LRP1B: variants seen among roughly 807,000 people sequenced by gnomAD.
The protein encoded by LRP1B is low-density lipoprotein receptor-related protein 1B.
Under a neutral mutation model 556.6 loss-of-function variants are expected in LRP1B, and 217 were observed. The ratio of observed to expected loss-of-function variants is 0.39; its 90% confidence interval spans 0.35 to 0.44. The LOEUF is 0.44. LRP1B is among the 20% of genes least tolerant of loss of function. LRP1B has a pLI of 1.00. For synonymous variants in LRP1B, 2,047 were observed against 1,865.8 expected, an observed-to-expected ratio of 1.10 and a Z score of -2.50; for missense variants, 5,053 against 5,620.8, an observed-to-expected ratio of 0.90 and a Z score of 3.23.
intron 2 of LRP1B, among the ~76,000 whole-genome samples, chr2:141,562,945 G>T (rs1686214749): frequency 6.6e-6 from 1 of 151,980 alleles, no homozygotes; most frequent in African/African-American, 2.4e-5. Flanking sequence ...GACCAATTAA[G>T]AAACTATGAT....
rs140486750 is a variant in LRP1B, at chr2:141,193,149, T to G, written c.851-4566A>C. ...ATTGTCGATGGGATCGTAAATTAGT[T>G]CAACCATTGTAGAAAGCAGTATGGC... On this transcript the variant is annotated intron_variant, in intron 6 of 90. Coordinates refer to ENST00000389484, the MANE Select transcript of LRP1B (RefSeq NM_018557.3). Among the ~76,000 whole-genome samples the G allele has an allele frequency of 4.0e-3, 610 of 152,100 alleles. 3 individuals carry two copies. The highest frequency in any genetic ancestry group is 0.01 in the Middle Eastern group (3 of 294).
intron 1 of LRP1B, among the ~76,000 whole-genome samples, chr2:141,860,466 A>G (rs529015329): frequency 6.6e-6 from 1 of 152,278 alleles, no homozygotes; most frequent in African/African-American, 2.4e-5. Context: ...GGCAAGGAAA[A>G]GCAATTTACC....
intron 35 of LRP1B, among the ~76,000 whole-genome samples, chr2:140,758,191 A>G (rs1441957909): frequency 6.6e-6 from 1 of 152,134 alleles, no homozygotes; most frequent in Non-Finnish European, 1.5e-5. Flanking sequence ...AAGGTTAAAA[A>G]TTTTATGCTA....
At chr2:140,932,992 A>C (rs1695100037) in intron 20 of LRP1B, among the ~76,000 whole-genome samples, 1 of 141,740 alleles carries the variant, frequency 7.1e-6, no homozygotes. Flanking sequence ...CTGATGCCAG[A>C]ATGTTCCAGA....
intron 17 of LRP1B, among the ~76,000 whole-genome samples, chr2:140,988,066 T>A (rs1696979650): frequency 6.6e-6 from 1 of 152,142 alleles, no homozygotes; most frequent in South Asian, 2.1e-4. Context: ...TGAGCTAAGT[T>A]GAACTGACCA....
intron 7 of LRP1B, among the ~76,000 whole-genome samples, chr2:141,185,329 C>A (rs925285138): frequency 1.3e-5 from 2 of 151,914 alleles, no homozygotes; most frequent in African/African-American, 4.8e-5. Context: ...AAGCAGAGAC[C>A]TACTAACCAT....
At chr2:140,463,507 C>T (rs1267197126) in intron 60 of LRP1B, among the ~76,000 whole-genome samples, 1 of 152,128 alleles carries the variant, frequency 6.6e-6, no homozygotes, top group Non-Finnish European at 1.5e-5. Flanking sequence ...TAATGCAATC[C>T]TACTTGATAG....
At chr2:141,748,155 T>C (rs745873341) in intron 2 of LRP1B, among the ~76,000 whole-genome samples, 1 of 152,188 alleles carries the variant, frequency 6.6e-6, no homozygotes, top group Non-Finnish European at 1.5e-5. Context: ...CTGAGATAAC[T>C]AGCAACTTAT....
At chr2:140,424,075 T>C (rs907585080) in intron 66 of LRP1B, among the ~76,000 whole-genome samples, 2 of 152,192 alleles carry the variant, frequency 1.3e-5, no homozygotes, top group East Asian at 1.9e-4. Context: ...TTAGTCTGTA[T>C]TGACAAAATC....
chr2:141,221,360 C>G (rs1238586638), intron 6 of LRP1B, among the ~76,000 whole-genome samples: 1 of 151,138 alleles, frequency 6.6e-6, no homozygotes, highest in African/African-American at 2.4e-5. Flanking sequence ...GAAGAGCTAA[C>G]TTTCTGAAAT....
chr2:141,303,995 G>C (rs1224775786), intron 3 of LRP1B, among the ~76,000 whole-genome samples: 2 of 152,014 alleles, frequency 1.3e-5, no homozygotes, highest in Admixed American at 6.6e-5. Flanking sequence ...GCTTTGATTT[G>C]CATTTCCCTG....
chr2:141,117,236 ATTTT>A (rs34197961), intron 7 of LRP1B, among the ~76,000 whole-genome samples: 17 of 143,786 alleles, frequency 1.2e-4, no homozygotes, highest in Admixed American at 1.4e-4. Context: ...TGGCTACTTC[ATTTT>A]TTTTTTTTTT....
intron 2 of LRP1B, among the ~76,000 whole-genome samples, chr2:141,485,249 A>C (rs779409868): frequency 1.3e-5 from 2 of 152,178 alleles, no homozygotes; most frequent in Non-Finnish European, 2.9e-5. Flanking sequence ...TGGGTAACTC[A>C]TGAGACAGCT....
intron 1 of LRP1B, among the ~76,000 whole-genome samples, chr2:141,880,255 T>C (rs1424543669): frequency 6.6e-6 from 1 of 151,990 alleles, no homozygotes; most frequent in East Asian, 1.9e-4. Context: ...GTTGTACTGT[T>C]GGCTCCTCAC....
At chr2:141,592,843 C>T (rs555176192) in intron 2 of LRP1B, among the ~76,000 whole-genome samples, 1 of 152,276 alleles carries the variant, frequency 6.6e-6, no homozygotes, top group South Asian at 2.1e-4. Context: ...GGAGTGTATT[C>T]AAGCATTGAA....
At chr2:141,326,424 A>G (rs1251086578) in intron 3 of LRP1B, among the ~76,000 whole-genome samples, 1 of 152,180 alleles carries the variant, frequency 6.6e-6, no homozygotes, top group Non-Finnish European at 1.5e-5. Flanking sequence ...AGAACTGTGG[A>G]AAAGCATGGC....
chr2:141,646,824 T>C (rs1022981570), intron 2 of LRP1B, among the ~76,000 whole-genome samples: 1 of 152,138 alleles, frequency 6.6e-6, no homozygotes, highest in African/African-American at 2.4e-5. Context: ...GAACCATCTC[T>C]ATAAGATAAT....
chr2:140,800,420 A>C (rs1023211800), intron 32 of LRP1B, among the ~76,000 whole-genome samples: 8 of 152,198 alleles, frequency 5.3e-5, no homozygotes, highest in African/African-American at 1.9e-4. Flanking sequence ...AGTTTGCTGC[A>C]CTATTTATTA....
intron 36 of LRP1B, among the ~76,000 whole-genome samples, 168 bp from the exon 37 acceptor site, chr2:140,716,270 T>C (rs1687206081): frequency 6.6e-6 from 1 of 152,138 alleles, no homozygotes; most frequent in South Asian, 2.1e-4. Context: ...TAAACTAATA[T>C]GCAAATACTT....
Sources: allele counts gnomAD v4.1 joint callset (sites outside exome capture counted in the v4.1 genomes callset), GRCh38; gene constraint gnomAD v4.1.1; transcripts MANE v1.5; gene names NCBI Gene and HGNC (gene_info 2026-07-23, HGNC 2026-07-21).